GLRA1: variants seen among roughly 807,000 people sequenced by gnomAD.
The protein encoded by GLRA1 is glycine receptor alpha 1.
In GLRA1, 37 loss-of-function variants were observed where a neutral mutation model predicts 48.3. The observed-to-expected ratio is 0.77, with a 90% CI of 0.59 to 1.01. The LOEUF is 1.01. Ranked by LOEUF, GLRA1 falls within the 50% of genes least tolerant of loss-of-function variation. The pLI is 0.00. For missense variants in GLRA1, 427 were observed against 571.0 expected (o/e 0.75, Z 2.57); for synonymous variants, 196 against 210.7 (o/e 0.93, Z 0.60).
intron 7 of GLRA1, among the ~76,000 whole-genome samples, chr5:151,838,744 A>T (rs1763636757): frequency 6.6e-6 from 1 of 152,242 alleles, no homozygotes; most frequent in Non-Finnish European, 1.5e-5. Context: ...TATTTAAAAA[A>T]ATAGTGCCTG....
intron 1 of GLRA1, among the ~76,000 whole-genome samples, chr5:151,909,690 A>G (rs778964320): frequency 4.0e-4 from 61 of 152,198 alleles, no homozygotes; most frequent in Non-Finnish European, 5.1e-4. Context: ...ATCCTGTACC[A>G]TTATAGTGTA....
Position 151,854,127 on chromosome 5 carries a change from T to C in GLRA1, c.697+913A>G, listed in dbSNP as rs116431430. Reference sequence around the variant, plus strand: ...TGAGGGTCAGTTGTGGTGATTTGACTTGGGAGTCATTGCTTTCATGGCTGC... The same window carrying C: ...TGAGGGTCAGTTGTGGTGATTTGACCTGGGAGTCATTGCTTTCATGGCTGC... On this transcript the variant is annotated intron_variant, in intron 6 of 8. Coordinates refer to ENST00000274576, the MANE Select transcript of GLRA1 (RefSeq NM_000171.4). Among the ~76,000 whole-genome samples, 1,310 of 152,344 alleles carry C rather than the reference T, an allele frequency of 8.6e-3. 16 individuals carry two copies. Among genetic ancestry groups the C allele is most frequent in the African/African-American group, 0.03 (1,257 of 41,580 alleles).
intron 3 of GLRA1, among the ~76,000 whole-genome samples, chr5:151,885,293 G>A (rs1011081733): frequency 1.6e-4 from 25 of 152,194 alleles, no homozygotes; most frequent in African/African-American, 5.8e-4. Context: ...AGCTGCTGGG[G>A]TTCCCACAGG....
At chr5:151,850,596 A>G in intron 7 of GLRA1, 1 of 1,469,932 alleles carries the variant, frequency 6.8e-7, no homozygotes, top group African/African-American at 1.4e-5. Context: ...GAAACCTCCA[A>G]CATCAACGAC....
intron 1 of GLRA1, among the ~76,000 whole-genome samples, chr5:151,900,945 C>T (rs770637813): frequency 3.9e-5 from 6 of 152,124 alleles, no homozygotes; most frequent in East Asian, 1.9e-4. Context: ...GATATATACC[C>T]GAAATTCCAG....
chr5:151,833,893 C>A (rs1347186890), intron 7 of GLRA1, among the ~76,000 whole-genome samples: 1 of 148,994 alleles, frequency 6.7e-6, no homozygotes, highest in African/African-American at 2.5e-5. Flanking sequence ...AAGGGCATTA[C>A]ATAATGGTAA....
chr5:151,823,587 A>G (rs1373053202), intron 8 of GLRA1, among the ~76,000 whole-genome samples: 1 of 152,186 alleles, frequency 6.6e-6, no homozygotes, highest in Non-Finnish European at 1.5e-5. Context: ...GGGAAGCCAC[A>G]GCTTCTTCCT....
Position 151,849,104 on chromosome 5 carries a change from T to TTTCTTTCTTTC in GLRA1, c.912+2285_912+2286insGAAAGAAAGAA, listed in dbSNP as rs200997346. 9.4e-3 allele frequency: 1,103 copies of TTTCTTTCTTTC among 116,950 alleles called. 95 individuals carry two copies. The highest frequency in any genetic ancestry group is 0.011 in the African/African-American group (165 of 14,374). The allele number at this position is 116,950 out of a possible 1,614,324, so 7.2% of individuals were successfully genotyped here. A position where few individuals can be genotyped will look rare whatever the true frequency, so the allele number is the denominator to read the frequency against. On this transcript the variant is annotated intron_variant, in intron 7 of 8. Transcript: ENST00000274576. ...TTTTCTTTCCTTTTTATTTCTTTTC[T>TTTCTTTCTTTC]TTTCTTTCTTTCTTTCTTTCTTTCT...
intron 7 of GLRA1, among the ~76,000 whole-genome samples, chr5:151,839,316 G>A: frequency 6.6e-6 from 1 of 152,076 alleles, no homozygotes; most frequent in East Asian, 1.9e-4. Context: ...AGGAGTATTA[G>A]TAAAGGTAAC....
At chr5:151,859,134 A>G (rs1270157134) in intron 4 of GLRA1, among the ~76,000 whole-genome samples, 2 of 152,224 alleles carry the variant, frequency 1.3e-5, no homozygotes, top group Non-Finnish European at 2.9e-5. Context: ...ATTCTCATGA[A>G]TGGTAGCTGT....
At chr5:151,830,347 T>C (rs1197446507) in intron 7 of GLRA1, among the ~76,000 whole-genome samples, 3 of 152,230 alleles carry the variant, frequency 2.0e-5, no homozygotes, top group Non-Finnish European at 2.9e-5. Flanking sequence ...CAATAGTAAT[T>C]GCCACCTGAG....
intron 7 of GLRA1, among the ~76,000 whole-genome samples, chr5:151,842,679 C>G (rs776890406): frequency 3.9e-5 from 6 of 152,132 alleles, no homozygotes; most frequent in Non-Finnish European, 8.8e-5. Context: ...CTCTGTAAGA[C>G]CAGGAATGAG....
At chr5:151,863,891 A>G (rs552430251) in intron 3 of GLRA1, among the ~76,000 whole-genome samples, 1 of 152,222 alleles carries the variant, frequency 6.6e-6, no homozygotes, top group South Asian at 2.1e-4. Flanking sequence ...ATGTTCCAAG[A>G]TATTTTATAG....
chr5:151,835,050 AGAG>A (rs1328245585), intron 7 of GLRA1, among the ~76,000 whole-genome samples: 15 of 146,156 alleles, frequency 1.0e-4, no homozygotes, highest in East Asian at 3.9e-4. Context: ...AAAAAAAAAA[AGAG>A]AAGAATGAAA....
chr5:151,850,847 A>G, intron 7 of GLRA1: 1 of 689,480 alleles, frequency 1.5e-6, no homozygotes, highest in Non-Finnish European at 2.7e-6. Context: ...TCCCACTCCA[A>G]CTCTTCCCCC....
rs1393109229 is a variant in GLRA1, at chr5:151,915,714, T to TAC, written c.56+8778_56+8779dup. Among the ~76,000 whole-genome samples the TAC allele has an allele frequency of 2.8e-5, 3 of 108,150 alleles. No individual in the cohort carries two copies. In the Admixed American group the frequency reaches 2.9e-4, roughly 10 times the overall value. 71.0% of individuals were successfully genotyped at this position (108,150 alleles called of 152,430 possible). The stretch of plus-strand genomic sequence containing the variant: ...ATGTGTGTATGTAATGTATATGTAA[T>TAC]ACATATATATATATATATATATGAA... On this transcript the variant is annotated intron_variant, in intron 1 of 8. Transcript: ENST00000274576.
chr5:151,850,666 G>A (rs926106479), intron 7 of GLRA1: 2 of 1,319,066 alleles, frequency 1.5e-6, no homozygotes, highest in Non-Finnish European at 2.2e-6. Context: ...CTGTTGGCCA[G>A]GAGAAGAAGG....
At chr5:151,909,386 C>T (rs1016908574) in intron 1 of GLRA1, among the ~76,000 whole-genome samples, 1 of 152,112 alleles carries the variant, frequency 6.6e-6, no homozygotes, top group Non-Finnish European at 1.5e-5. Context: ...CATGACTTAC[C>T]CTGAGAAGAA....
intron 3 of GLRA1, among the ~76,000 whole-genome samples, chr5:151,871,414 T>A (rs999440839): frequency 6.7e-6 from 1 of 149,494 alleles, no homozygotes; most frequent in Non-Finnish European, 1.5e-5. Context: ...TGTATATATT[T>A]AAAAAAATCA....
Sources: gnomAD v4.1 joint callset for allele counts (sites outside exome capture counted in the v4.1 genomes callset) on GRCh38, gnomAD v4.1.1 for gene constraint, MANE v1.5 for transcripts, NCBI Gene and HGNC (gene_info 2026-07-23, HGNC 2026-07-21) for gene names.